IGF1R: variants seen among roughly 807,000 people sequenced by gnomAD.
IGF1R encodes insulin like growth factor 1 receptor, also known as insulin-like growth factor 1 receptor.
A neutral mutation model predicts 144.6 loss-of-function variants in IGF1R; 44 were observed. The ratio of observed to expected loss-of-function variants is 0.30; its 90% CI spans 0.24 to 0.39. The LOEUF (loss-of-function observed/expected upper bound fraction) is 0.39, where lower values mean the gene tolerates loss of function less well. Among genes scored for constraint, IGF1R ranks in the 10% least tolerant of loss-of-function variants. The pLI is 1.00. For synonymous variants in IGF1R, 795 were observed against 722.8 expected (o/e 1.10, Z -1.60); for missense variants, 1,355 against 1,833.7 (o/e 0.74, Z 4.77).
At chr15:98,713,369 A>T (rs891155680) in intron 2 of IGF1R, among the ~76,000 whole-genome samples, 1 of 152,158 alleles carries the variant, frequency 6.6e-6, no homozygotes, top group Non-Finnish European at 1.5e-5. Flanking sequence ...TCGGTGAGCC[A>T]GTTGTACCAG....
At chr15:98,732,659 G>A (rs988907160) in intron 2 of IGF1R, among the ~76,000 whole-genome samples, 6 of 152,186 alleles carry the variant, frequency 3.9e-5, no homozygotes, top group African/African-American at 1.4e-4. Context: ...ATGAGCTTAC[G>A]GATGACTGGA....
At chr15:98,841,173 A>G (rs929879340) in intron 2 of IGF1R, among the ~76,000 whole-genome samples, 1 of 152,210 alleles carries the variant, frequency 6.6e-6, no homozygotes, top group African/African-American at 2.4e-5. Context: ...AAAGAAAAGT[A>G]TGTCCTGTGG....
At position 98,727,195 on chromosome 15, in the gene IGF1R, G is replaced by A. The variant is rs114674522; in HGVS notation, c.640+19088G>A. The stretch of plus-strand genomic sequence containing the variant: ...TAGCTGTGATGAATGACAGGTTGTC[G>A]TAAAGGAAGAAAGGTATGTGGTTTC... On this transcript the variant is annotated intron_variant, in intron 2 of 20. Transcript: ENST00000650285. Among the ~76,000 whole-genome samples the A allele has an allele frequency of 1.4e-3, 211 of 152,256 alleles. 1 individual carries two copies. The highest frequency in any genetic ancestry group is 4.9e-3 in the African/African-American group (205 of 41,536).
intron 1 of IGF1R, among the ~76,000 whole-genome samples, chr15:98,665,145 G>T (rs939101229): frequency 6.6e-6 from 1 of 152,064 alleles, no homozygotes; most frequent in Non-Finnish European, 1.5e-5. Flanking sequence ...TAGAGATGGG[G>T]TTTCACCGTG....
intron 2 of IGF1R, among the ~76,000 whole-genome samples, chr15:98,775,000 A>C (rs964129082): frequency 1.3e-5 from 2 of 152,192 alleles, no homozygotes. Context: ...CCAGCTGGGC[A>C]GTCCCAGGTT....
chr15:98,824,986 G>T (rs962954227), intron 2 of IGF1R, among the ~76,000 whole-genome samples: 1 of 151,866 alleles, frequency 6.6e-6, no homozygotes, highest in African/African-American at 2.4e-5. Context: ...ACAGGCACGC[G>T]CCATCACACC....
chr15:98,787,054 C>T (rs1171904136), intron 2 of IGF1R, among the ~76,000 whole-genome samples: 1 of 152,176 alleles, frequency 6.6e-6, no homozygotes, highest in Non-Finnish European at 1.5e-5. Context: ...CGCCCTGGTT[C>T]CATCAGCGCC....
At chr15:98,742,218 C>G (rs997649413) in intron 2 of IGF1R, among the ~76,000 whole-genome samples, 1 of 152,192 alleles carries the variant, frequency 6.6e-6, no homozygotes, top group African/African-American at 2.4e-5. Flanking sequence ...ACAGCATATC[C>G]TGTTAAATAT....
intron 2 of IGF1R, among the ~76,000 whole-genome samples, chr15:98,774,441 G>A (rs45579236): frequency 0.022 from 3,299 of 152,258 alleles, 107 homozygotes; most frequent in African/African-American, 0.074. Context: ...AAAATGCAGG[G>A]TTTGACTATC....
At chr15:98,797,232 A>G (rs1267705867) in intron 2 of IGF1R, among the ~76,000 whole-genome samples, 1 of 152,194 alleles carries the variant, frequency 6.6e-6, no homozygotes, top group African/African-American at 2.4e-5. Flanking sequence ...TGAGTAGGAA[A>G]TGCATCCAAA....
chr15:98,760,451 A>G (rs979947333), intron 2 of IGF1R, among the ~76,000 whole-genome samples: 1 of 152,244 alleles, frequency 6.6e-6, no homozygotes, highest in African/African-American at 2.4e-5. Flanking sequence ...AATCTTTTTA[A>G]TAGCTCCATA....
intron 2 of IGF1R, among the ~76,000 whole-genome samples, chr15:98,746,833 T>G (rs1270285106): frequency 1.3e-5 from 2 of 152,160 alleles, no homozygotes; most frequent in Non-Finnish European, 2.9e-5. Flanking sequence ...TGGGTGTGTG[T>G]TGTTCGTTAT....
intron 1 of IGF1R, among the ~76,000 whole-genome samples, chr15:98,703,570 A>G (rs2053788182): frequency 6.6e-6 from 1 of 152,138 alleles, no homozygotes; most frequent in South Asian, 2.1e-4. Context: ...TTTCTTCCAG[A>G]GTAAGTGGGT....
chr15:98,764,277 A>G (rs1286159158), intron 2 of IGF1R, among the ~76,000 whole-genome samples: 1 of 152,196 alleles, frequency 6.6e-6, no homozygotes, highest in Middle Eastern at 3.2e-3. Flanking sequence ...TTTATAATGG[A>G]ATGGAGTAAT....
chr15:98,922,392 A>G lies in IGF1R; in HGVS notation c.2446A>G (p.Ser816Gly), dbSNP rs1450345144. The G allele has an allele frequency of 6.2e-7, 1 of 1,613,796 alleles. No homozygotes were observed. Among genetic ancestry groups the G allele is most frequent in the Non-Finnish European group, 8.5e-7 (1 of 1,180,040 alleles). Residue 816 changes from serine (S) to glycine (G), a missense_variant, in exon 11 of 21, where the codon AGC becomes GGC. Ser to Gly is a moderately conservative substitution (Grantham distance 56, BLOSUM62 0). Around this residue, in one of 7 missense-constraint regions of IGF1R, gnomAD observed 880 missense variants for 1,202.7 expected, o/e 0.73. Coordinates refer to ENST00000650285, the MANE Select transcript of IGF1R (RefSeq NM_000875.5). The stretch of plus-strand genomic sequence containing the variant: ...CCACGAGGCTGAGAAGCTGGGCTGC[A>G]GCGCCTCCAACTTCGTCTTTGCAAG... ...CNHEAEKLGC[S>G]ASNFVFARTM...
chr15:98,908,730 G>A lies in IGF1R; in HGVS notation c.1293G>A (p.Leu431=), dbSNP rs2151670134. The part of the protein sequence containing the change: ...YVLDNQNLQQ[L]WDWDHRNLTI... The stretch of plus-strand genomic sequence containing the variant: ...TCGACAACCAGAACTTGCAGCAACT[G>A]TGGGACTGGGACCACCGCAACCTGA... Residue 431 remains leucine (L), a synonymous_variant, in exon 6 of 21, where the codon CTG becomes CTA. Transcript: ENST00000650285. 1 of 1,614,118 alleles carries A rather than the reference G, an allele frequency of 6.2e-7. No homozygotes were observed. Among genetic ancestry groups the A allele is most frequent in the Non-Finnish European group, 8.5e-7 (1 of 1,180,016 alleles).
chr15:98,785,704 A>G (rs1317715005), intron 2 of IGF1R, among the ~76,000 whole-genome samples: 1 of 152,130 alleles, frequency 6.6e-6, no homozygotes, highest in East Asian at 1.9e-4. Context: ...GCCTGCTGTG[A>G]TTGTGCTATT....
intron 1 of IGF1R, among the ~76,000 whole-genome samples, chr15:98,682,099 G>C (rs1357986634): frequency 5.3e-5 from 8 of 152,200 alleles, no homozygotes; most frequent in Admixed American, 5.2e-4. Context: ...GGATGGAGCA[G>C]AACCGTTGGA....
intron 9 of IGF1R, 169 bp from the exon 10 acceptor site, chr15:98,916,503 T>G: frequency 1.5e-6 from 1 of 689,292 alleles, no homozygotes; most frequent in East Asian, 2.8e-5. Flanking sequence ...CTCAGGTGAT[T>G]TGCCCGCCTC....
Sources: gnomAD v4.1 joint callset for allele counts (sites outside exome capture counted in the v4.1 genomes callset) on GRCh38, gnomAD v4.1.1 for gene constraint, gnomAD v4.1.1 regional missense constraint, MANE v1.5 for transcripts, NCBI Gene and HGNC (gene_info 2026-07-23, HGNC 2026-07-21) for gene names.